The following BCAT2 variants were observed in gnomAD, a reference collection of about 807,000 sequenced individuals.
The protein encoded by BCAT2 is branched-chain-amino-acid aminotransferase, mitochondrial.
BCAT2 carries 44 observed loss-of-function variants against 52.9 expected under a neutral mutation model. The observed-to-expected ratio is 0.83, with a 90% CI of 0.65 to 1.07. The LOEUF (loss-of-function observed/expected upper bound fraction) is 1.07, where lower values mean the gene tolerates loss of function less well. Among genes scored for constraint, BCAT2 ranks in the 50% least tolerant of loss-of-function variants. BCAT2 has a pLI of 0.00. For synonymous variants in BCAT2, 215 were observed against 217.1 expected (o/e 0.99, Z 0.08); for missense variants, 478 against 521.8 (o/e 0.92, Z 0.82).
chr19:48,796,445 C>T lies in BCAT2; in HGVS notation c.1123G>A (p.Glu375Lys), dbSNP rs767101452. The T allele has an allele frequency of 3.1e-6, 5 of 1,614,146 alleles. No homozygotes were observed. The East Asian group carries it at 8.9e-5, about 29-fold the overall frequency. The change falls in exon 10 of 11, where the codon GAG becomes AAG. Residue 375 changes from glutamate to lysine, a missense_variant. By Grantham distance (56) the Glu-to-Lys change is moderately conservative. Coordinates refer to ENST00000316273, the MANE Select transcript of BCAT2 (RefSeq NM_001190.4). ...GPELILRFQK[E>K]LKEIQYGIRA... ...CAGCTCACCTGGATCTCCTTCAGCT[C>T]CTTCTGGAAGCGGAGGATCAGCTCA...
Position 48,807,121 on chromosome 19 carries a change from G to A in BCAT2, c.25-47C>T, listed in dbSNP as rs940862980. ...AGAGGGGGTGAGTGGGGCACAGCAG[G>A]GGCCCTGGCAGCTCGCTCGCCACCT... On this transcript the variant is annotated intron_variant, in intron 1 of 10. Coordinates refer to ENST00000316273, the MANE Select transcript of BCAT2 (RefSeq NM_001190.4). This position sits in a 1 kb window ranked among gnomAD's most constrained non-coding sequence, Gnocchi z 4.6. 5.2e-6 allele frequency: 8 copies of A among 1,530,192 alleles called. No homozygotes were observed. Among genetic ancestry groups the A allele is most frequent in the South Asian group, 2.4e-5 (2 of 85,078 alleles). The allele number at this position is 1,530,192 out of a possible 1,614,324, so 94.8% of individuals were successfully genotyped here.
intron 10 of BCAT2, 111 bp downstream of exon 10, chr19:48,796,317 T>G: frequency 7.3e-7 from 1 of 1,362,466 alleles, no homozygotes; most frequent in Non-Finnish European, 1.0e-6. Context: ...AAGGCCATTA[T>G]CTGTTCCTGG....
intron 3 of BCAT2, among the ~76,000 whole-genome samples, chr19:48,803,241 G>A (rs544361492): frequency 4.9e-4 from 74 of 151,948 alleles, no homozygotes; most frequent in Non-Finnish European, 8.7e-4. Context: ...CGGATACACC[G>A]GATATAGTGG....
chr19:48,797,941 TGAGTAACTG>T (rs1356556200), intron 6 of BCAT2, among the ~76,000 whole-genome samples: 1 of 151,662 alleles, frequency 6.6e-6, no homozygotes, highest in Non-Finnish European at 1.5e-5. Context: ...CTCAGCCTCC[TGAGTAACTG>T]GAGTAACTGG....
At chr19:48,803,695 T>C (rs568871973) in intron 3 of BCAT2, among the ~76,000 whole-genome samples, 1 of 151,834 alleles carries the variant, frequency 6.6e-6, no homozygotes, top group African/African-American at 2.4e-5. Context: ...TATTTAAAGA[T>C]AATAAATAAA....
chr19:48,798,182 A>G (rs1246754769), intron 6 of BCAT2, among the ~76,000 whole-genome samples: 1 of 151,952 alleles, frequency 6.6e-6, no homozygotes, highest in South Asian at 2.1e-4. Flanking sequence ...TGGGATTACA[A>G]GCGTGAGCTA....
In BCAT2 at chr19:48,795,356, T is replaced by G; in HGVS notation, c.*70A>C. 6.3e-7 allele frequency: 1 copy of G among 1,596,350 alleles called. No homozygotes were observed. Among genetic ancestry groups the G allele is most frequent in the Non-Finnish European group, 8.6e-7 (1 of 1,165,728 alleles). On this transcript the variant is annotated 3_prime_UTR_variant, in exon 11 of 11. Coordinates refer to ENST00000316273, the MANE Select transcript of BCAT2 (RefSeq NM_001190.4). ...TTCGTATTGCACTTCAGGTGAGTCA[T>G]TGGTAGGGAGGCGAGTGCTGGCGTG... is the stretch of plus-strand genomic sequence containing the variant.
rs367971759 is a variant in BCAT2 at position 48,808,697 on chromosome 19, G to A, written c.25-1623C>T. On this transcript the variant is annotated intron_variant, in intron 1 of 10. Transcript: ENST00000316273. Reference sequence around the variant, plus strand: ...TTAAACCCAGGAGGCGGAGGTTGCAGTGAGCCGAGATGGTGCCACTGCACT... The same window carrying A: ...TTAAACCCAGGAGGCGGAGGTTGCAATGAGCCGAGATGGTGCCACTGCACT... Among the ~76,000 whole-genome samples, 9 of 152,262 alleles carry A rather than the reference G, an allele frequency of 5.9e-5. No homozygotes were observed. The South Asian group carries it at 1.2e-3, about 21-fold the overall frequency.
rs1303334981 is a variant in BCAT2 at position 48,796,509 on chromosome 19, C to G, written c.1066-7G>C. 1.2e-5 allele frequency: 20 copies of G among 1,612,504 alleles called. No individual in the cohort carries two copies. The highest frequency in any genetic ancestry group is 1.5e-5 in the Non-Finnish European group (18 of 1,179,636). Reference sequence around the variant, plus strand: ...TGGTGGGAATGTGGAGGTTCTGGGACAGAAGGTGCGGTGAGGACCAAGCCC... The same window carrying G: ...TGGTGGGAATGTGGAGGTTCTGGGAGAGAAGGTGCGGTGAGGACCAAGCCC... On this transcript the variant is annotated splice_region_variant and splice_polypyrimidine_tract_variant and intron_variant, in intron 9 of 10. Transcript: ENST00000316273.
At position 48,797,248 on chromosome 19, in the gene BCAT2, G is replaced by C. The variant is rs1483949100; in HGVS notation, c.781C>G (p.Gln261Glu). 6.2e-7 allele frequency: 1 copy of C among 1,613,982 alleles called. No homozygotes were observed. Among genetic ancestry groups the C allele is most frequent in the Middle Eastern group, 1.7e-4 (1 of 6,060 alleles). The change falls in exon 7 of 11, where the codon CAG becomes GAG. Residue 261 changes from glutamine to glutamate, a missense_variant. By Grantham distance (29) the Gln-to-Glu change is conservative (BLOSUM62 2). Coordinates refer to ENST00000316273, the MANE Select transcript of BCAT2 (RefSeq NM_001190.4). ...TTCATGGTTCCCACCTCGGTGAGCT[G>C]GTGGTCGGGCCCATACAGCCAGAGG... ...QVLWLYGPDH[Q>E]LTEVGTMNIF...
rs1295747240 is a variant in BCAT2, at chr19:48,807,016, G to T, written c.83C>A (p.Ala28Asp). ...PWLLCGPRRY[A>D]SSSFKAADLQ... ...TCCTTTCACCTTGAAACTGGAGGAGGCATATCTTCTGGGACCACACAGAAG... is the reference window on the plus strand; with the variant it reads ...TCCTTTCACCTTGAAACTGGAGGAGTCATATCTTCTGGGACCACACAGAAG... Residue 28 changes from alanine to aspartate, a missense_variant, in exon 2 of 11, where the codon GCC (alanine) becomes GAC (aspartate). Coordinates refer to ENST00000316273, the MANE Select transcript of BCAT2 (RefSeq NM_001190.4). This position sits in a 1 kb window ranked among gnomAD's most constrained non-coding sequence, Gnocchi z 4.6. 6.2e-7 allele frequency: 1 copy of T among 1,613,956 alleles called. No individual in the cohort carries two copies. Among genetic ancestry groups the T allele is most frequent in the Admixed American group, 1.7e-5 (1 of 60,008 alleles).
intron 3 of BCAT2, among the ~76,000 whole-genome samples, chr19:48,801,250 T>C (rs545239101): frequency 1.4e-4 from 21 of 150,794 alleles, no homozygotes; most frequent in East Asian, 3.9e-4. Flanking sequence ...TTTTTTTTTT[T>C]CCCATAGTGG....
At position 48,795,411 on chromosome 19, in the gene BCAT2, G is replaced by A; in HGVS notation, c.*15C>T. 1 of 1,613,928 alleles carries A rather than the reference G, an allele frequency of 6.2e-7. No individual in the cohort carries two copies. Among genetic ancestry groups the A allele is most frequent in the East Asian group, 2.2e-5 (1 of 44,874 alleles). ...GATGCTACGGGTCGGTGGATCTGGA[G>A]CACAGCCTGCAGCTTCACACCGGGA... On this transcript the variant is annotated 3_prime_UTR_variant, in exon 11 of 11. Coordinates refer to ENST00000316273, the MANE Select transcript of BCAT2 (RefSeq NM_001190.4).
At chr19:48,801,216 G>A (rs929348374) in intron 3 of BCAT2, among the ~76,000 whole-genome samples, 1 of 151,186 alleles carries the variant, frequency 6.6e-6, no homozygotes, top group African/African-American at 2.4e-5. Context: ...TTACAGGGGT[G>A]AGCCACTGCA....
At chr19:48,804,346 A>G (rs2034717147) in intron 3 of BCAT2, among the ~76,000 whole-genome samples, 1 of 151,328 alleles carries the variant, frequency 6.6e-6, no homozygotes. Context: ...GAGTTCGAAA[A>G]CAGCCTGGCC....
chr19:48,803,240 C>T (rs1057318849), intron 3 of BCAT2, among the ~76,000 whole-genome samples: 4 of 151,442 alleles, frequency 2.6e-5, no homozygotes, highest in Admixed American at 6.6e-5. Flanking sequence ...CCGGATACAC[C>T]GGATATAGTG....
At position 48,808,767 on chromosome 19, in the gene BCAT2, A is replaced by G. The variant is rs1287382995; in HGVS notation, c.25-1693T>C. On this transcript the variant is annotated intron_variant, in intron 1 of 10. Transcript: ENST00000316273. ...AAGACTCTCTGTCTCAATTAAAAAGAAAAAAAACAAAGAAAGAAAGTAGGC... is the reference window on the plus strand; with the variant it reads ...AAGACTCTCTGTCTCAATTAAAAAGGAAAAAAACAAAGAAAGAAAGTAGGC... Among the ~76,000 whole-genome samples the G allele has an allele frequency of 2.0e-5, 3 of 151,400 alleles. No individual in the cohort carries two copies. In the East Asian group the frequency reaches 5.8e-4, roughly 29 times the overall value.
In BCAT2 at chr19:48,795,415, A is replaced by C; in HGVS notation, c.*11T>G. 1 of 1,613,988 alleles carries C rather than the reference A, an allele frequency of 6.2e-7. No homozygotes were observed. Among genetic ancestry groups the C allele is most frequent in the Non-Finnish European group, 8.5e-7 (1 of 1,180,002 alleles). ...CTACGGGTCGGTGGATCTGGAGCACAGCCTGCAGCTTCACACCGGGAACAT... is the reference window on the plus strand; with the variant it reads ...CTACGGGTCGGTGGATCTGGAGCACCGCCTGCAGCTTCACACCGGGAACAT... On this transcript the variant is annotated 3_prime_UTR_variant, in exon 11 of 11. Coordinates refer to ENST00000316273, the MANE Select transcript of BCAT2 (RefSeq NM_001190.4).
Position 48,797,197 on chromosome 19 carries a change from C to T in BCAT2, c.832G>A (p.Asp278Asn), listed in dbSNP as rs1410570709. The T allele has an allele frequency of 3.7e-6, 6 of 1,613,790 alleles. No homozygotes were observed. The highest frequency in any genetic ancestry group is 5.1e-6 in the Non-Finnish European group (6 of 1,179,856). Residue 278 changes from aspartate to asparagine, a missense_variant, in exon 7 of 11, where the codon GAT becomes AAT. Coordinates refer to ENST00000316273, the MANE Select transcript of BCAT2 (RefSeq NM_001190.4). ...MNIFVYWTHE[D>N]GVLELVTPPL... ...GGGTCATGGGTGGGCTTACCCCCAT[C>T]TTCGTGGGTCCAGTAGACAAAGATG...
Sources: allele counts gnomAD v4.1 joint callset (sites outside exome capture counted in the v4.1 genomes callset), GRCh38; gene constraint gnomAD v4.1.1; non-coding constraint Gnocchi (gnomAD v3.1); transcripts MANE v1.5; gene names NCBI Gene and HGNC (gene_info 2026-07-23, HGNC 2026-07-21).